Variants in MRPL13 observed in about 807,000 individuals in gnomAD.
MRPL13 encodes the protein large ribosomal subunit protein uL13m.
MRPL13 carries 33 observed loss-of-function variants against 29.0 expected under a neutral mutation model. The ratio of observed to expected loss-of-function variants is 1.14; its 90% CI spans 0.86 to 1.52. The LOEUF is 1.52. Among genes scored for constraint, MRPL13 ranks in the 40% most tolerant of loss-of-function variants. The probability of loss-of-function intolerance (pLI) is 0.00; values close to 1 mark genes in which losing one functional copy is unlikely to be tolerated. For synonymous variants in MRPL13, 77 were observed against 68.4 expected (o/e 1.13, Z -0.62); for missense variants, 227 against 216.7 (o/e 1.05, Z -0.30).
At chr8:120,425,905 TTATA>T (rs1187884821) in intron 3 of MRPL13, among the ~76,000 whole-genome samples, 1 of 152,074 alleles carries the variant, frequency 6.6e-6, no homozygotes, top group Non-Finnish European at 1.5e-5. Flanking sequence ...CGATTATTCT[TTATA>T]AAATGAAAAA....
At chr8:120,398,929 A>G (rs1401900328) in intron 6 of MRPL13, among the ~76,000 whole-genome samples, 1 of 151,980 alleles carries the variant, frequency 6.6e-6, no homozygotes, top group East Asian at 1.9e-4. Flanking sequence ...ATACACACAC[A>G]CACACAAACA....
intron 6 of MRPL13, among the ~76,000 whole-genome samples, chr8:120,413,028 T>C (rs1812757277): frequency 6.6e-6 from 1 of 152,238 alleles, no homozygotes; most frequent in African/African-American, 2.4e-5. Context: ...TTATTAGTGC[T>C]TGCTATTTTT....
intron 6 of MRPL13, among the ~76,000 whole-genome samples, chr8:120,400,696 G>GA (rs930484183): frequency 6.4e-4 from 72 of 112,274 alleles, no homozygotes; most frequent in African/African-American, 2.3e-3. Flanking sequence ...TGGTTTTTTG[G>GA]AAAATAAATA....
chr8:120,425,899 TA>T (rs1419760222), intron 3 of MRPL13, among the ~76,000 whole-genome samples: 1 of 152,106 alleles, frequency 6.6e-6, no homozygotes, highest in Non-Finnish European at 1.5e-5. Context: ...TCAGATCGAT[TA>T]TTCTTTATAA....
chr8:120,405,210 G>A (rs565640644), intron 6 of MRPL13, among the ~76,000 whole-genome samples: 63 of 152,298 alleles, frequency 4.1e-4, no homozygotes, highest in African/African-American at 1.4e-3. Context: ...GGGGAAAAGA[G>A]AGGTTTTTAC....
At chr8:120,429,270 T>C (rs2130476961) in intron 3 of MRPL13, among the ~76,000 whole-genome samples, 1 of 152,208 alleles carries the variant, frequency 6.6e-6, no homozygotes, top group Non-Finnish European at 1.5e-5. Flanking sequence ...TACTGCATAT[T>C]CTCACTTATA....
At chr8:120,442,985 G>A (rs185979500) in intron 2 of MRPL13, among the ~76,000 whole-genome samples, 200 bp downstream of exon 2, 12 of 152,054 alleles carry the variant, frequency 7.9e-5, no homozygotes, top group Admixed American at 2.0e-4. Flanking sequence ...GGCTTGTTCC[G>A]GGTAAACTGA....
chr8:120,443,855 T>G (rs561565429), intron 1 of MRPL13, among the ~76,000 whole-genome samples: 16 of 152,162 alleles, frequency 1.1e-4, no homozygotes, highest in Non-Finnish European at 2.2e-4. Flanking sequence ...GGAATAAATT[T>G]CAACTTTAAA....
At chr8:120,431,973 A>G in intron 3 of MRPL13, 57 bp downstream of exon 3, 2 of 1,206,578 alleles carry the variant, frequency 1.7e-6, no homozygotes, top group Non-Finnish European at 2.3e-6. Flanking sequence ...GAACAACTGT[A>G]TTCTTAAAGT....
At chr8:120,411,798 A>G (rs1812743658) in intron 6 of MRPL13, among the ~76,000 whole-genome samples, 1 of 152,270 alleles carries the variant, frequency 6.6e-6, no homozygotes, top group Admixed American at 6.5e-5. Flanking sequence ...TAAAAAATGC[A>G]TCTAGTGGCT....
intron 2 of MRPL13, among the ~76,000 whole-genome samples, chr8:120,433,886 T>C (rs1184566089): frequency 6.6e-6 from 1 of 152,116 alleles, no homozygotes; most frequent in Non-Finnish European, 1.5e-5. Context: ...AACTGCACAT[T>C]TAATATATAT....
chr8:120,395,910 G>A lies in MRPL13; in HGVS notation c.*194C>T. 1 of 482,894 alleles carries A rather than the reference G, an allele frequency of 2.1e-6. No individual in the cohort carries two copies. The allele number at this position is 482,894 out of a possible 1,614,324, so 29.9% of individuals were successfully genotyped here. On this transcript the variant is annotated 3_prime_UTR_variant, in exon 7 of 7. Coordinates refer to ENST00000306185, the MANE Select transcript of MRPL13 (RefSeq NM_014078.6). ...ATTCAAATCAGATTACATAAAAATGGTTCTATAAAATTATATTTTAATTAC... is the reference window on the plus strand; with the variant it reads ...ATTCAAATCAGATTACATAAAAATGATTCTATAAAATTATATTTTAATTAC...
At chr8:120,442,953 C>T (rs1210850919) in intron 2 of MRPL13, among the ~76,000 whole-genome samples, 1 of 152,080 alleles carries the variant, frequency 6.6e-6, no homozygotes, top group South Asian at 2.1e-4. Context: ...CTAATAATTT[C>T]GCTGGGCAGT....
At chr8:120,426,084 T>C (rs112060838) in intron 3 of MRPL13, among the ~76,000 whole-genome samples, 181 of 152,210 alleles carry the variant, frequency 1.2e-3, no homozygotes, top group African/African-American at 4.2e-3. Context: ...GAATAAATAA[T>C]GCTATCTACC....
At chr8:120,429,697 T>C (rs983005432) in intron 3 of MRPL13, among the ~76,000 whole-genome samples, 1 of 152,122 alleles carries the variant, frequency 6.6e-6, no homozygotes, top group African/African-American at 2.4e-5. Context: ...TAAACTTGTA[T>C]ATACAGTTAT....
rs145189958 is a variant in MRPL13, at chr8:120,429,927, A to G, written c.245+2103T>C. On this transcript the variant is annotated intron_variant, in intron 3 of 6. Transcript: ENST00000306185. ...ATATTGTTTAGGGAATAATGACAAG[A>G]AAAACGTCTGTACATGTTCAGTATT... 2.3e-3 allele frequency among the ~76,000 whole-genome samples: 345 copies of G among 152,360 alleles called. 1 individual carries two copies. Among genetic ancestry groups the G allele is most frequent in the African/African-American group, 7.5e-3 (312 of 41,592 alleles).
At position 120,399,673 on chromosome 8, in the gene MRPL13, A is replaced by C. The variant is rs368977229; in HGVS notation, c.516-3548T>G. Among the ~76,000 whole-genome samples, 122 of 152,258 alleles carry C rather than the reference A, an allele frequency of 8.0e-4. 1 individual carries two copies. Among genetic ancestry groups the C allele is most frequent in the African/African-American group, 2.8e-3 (115 of 41,560 alleles). ...ACCTTAAATGTAAATAGGCTAAATG[A>C]CCCAATTAAAAGACACAGAATGGCA... On this transcript the variant is annotated intron_variant, in intron 6 of 6. Transcript: ENST00000306185.
chr8:120,442,098 G>C (rs1477212023), intron 2 of MRPL13, among the ~76,000 whole-genome samples: 1 of 152,184 alleles, frequency 6.6e-6, no homozygotes, highest in East Asian at 1.9e-4. Flanking sequence ...AGGCCAATAA[G>C]TGGTAAGATA....
intron 6 of MRPL13, among the ~76,000 whole-genome samples, chr8:120,402,366 T>C (rs1406795867): frequency 6.6e-6 from 1 of 152,134 alleles, no homozygotes; most frequent in African/African-American, 2.4e-5. Flanking sequence ...AACTATCTGA[T>C]CTTCGACAGA....
Sources: gnomAD v4.1 joint callset for allele counts (sites outside exome capture counted in the v4.1 genomes callset) on GRCh38, gnomAD v4.1.1 for gene constraint, MANE v1.5 for transcripts, NCBI Gene and HGNC (gene_info 2026-07-23, HGNC 2026-07-21) for gene names.